KHDRBS2: variants seen among roughly 807,000 people sequenced by gnomAD.
KHDRBS2 encodes KH domain-containing, RNA-binding, signal transduction-associated protein 2.
In KHDRBS2, 26 loss-of-function variants were observed where a neutral mutation model predicts 44.3. The ratio of observed to expected loss-of-function variants is 0.59; its 90% CI spans 0.43 to 0.81. The LOEUF (loss-of-function observed/expected upper bound fraction) is 0.81. KHDRBS2 is among the 40% of genes least tolerant of loss of function. The pLI is 0.00. For missense variants in KHDRBS2, 476 were observed against 433.1 expected (o/e 1.10, Z -0.88); for synonymous variants, 194 against 151.1 (o/e 1.28, Z -2.08).
intron 2 of KHDRBS2, among the ~76,000 whole-genome samples, chr6:62,169,111 ATATG>A (rs1359026294): frequency 7.0e-6 from 1 of 142,448 alleles, no homozygotes; most frequent in African/African-American, 2.6e-5. Context: ...ATATACACAT[ATATG>A]TGTGTATATA....
intron 3 of KHDRBS2, among the ~76,000 whole-genome samples, chr6:62,011,571 A>G (rs1306156235): frequency 6.6e-6 from 1 of 152,170 alleles, no homozygotes; most frequent in Non-Finnish European, 1.5e-5. Flanking sequence ...CTCAAGATTT[A>G]TGTCAAATGC....
chr6:62,105,013 G>C (rs1802825863), intron 2 of KHDRBS2, among the ~76,000 whole-genome samples: 1 of 151,992 alleles, frequency 6.6e-6, no homozygotes, highest in Non-Finnish European at 1.5e-5. Flanking sequence ...CATAAACAAT[G>C]CTGTGTCTGT....
At chr6:62,240,474 C>T (rs1834415424) in intron 1 of KHDRBS2, among the ~76,000 whole-genome samples, 1 of 151,276 alleles carries the variant, frequency 6.6e-6, no homozygotes, top group African/African-American at 2.4e-5. Context: ...TGCTTGCAGG[C>T]TAGTTGAGCT....
intron 6 of KHDRBS2, among the ~76,000 whole-genome samples, chr6:61,803,037 A>G (rs961603751): frequency 6.6e-6 from 1 of 152,214 alleles, no homozygotes; most frequent in Non-Finnish European, 1.5e-5. Flanking sequence ...TGGCCTAAGC[A>G]TTTTGACAAC....
intron 4 of KHDRBS2, among the ~76,000 whole-genome samples, chr6:61,954,856 G>GTATATATATATATGTA (rs1562513973): frequency 2.5e-5 from 1 of 40,800 alleles, no homozygotes; most frequent in African/African-American, 9.8e-5. Context: ...ATATGCATGT[G>GTATATATATATATGTA]TATATACACA....
At chr6:62,111,920 C>T in intron 2 of KHDRBS2, among the ~76,000 whole-genome samples, 1 of 152,012 alleles carries the variant, frequency 6.6e-6, no homozygotes, top group Non-Finnish European at 1.5e-5. Context: ...TTGCTGGGCC[C>T]CAATCATGAA....
intron 2 of KHDRBS2, among the ~76,000 whole-genome samples, chr6:62,106,191 C>T (rs1391390330): frequency 1.3e-5 from 2 of 152,168 alleles, no homozygotes; most frequent in East Asian, 3.9e-4. Flanking sequence ...GAGAGCTTTA[C>T]TTGCAACTAT....
intron 3 of KHDRBS2, among the ~76,000 whole-genome samples, chr6:62,014,692 T>C (rs1330256214): frequency 6.6e-6 from 1 of 152,148 alleles, no homozygotes; most frequent in Non-Finnish European, 1.5e-5. Context: ...TTCTCTTAAA[T>C]AATATTCAAC....
At chr6:62,103,103 TACCATCCA>T (rs1424767747) in intron 2 of KHDRBS2, among the ~76,000 whole-genome samples, 2 of 151,966 alleles carry the variant, frequency 1.3e-5, no homozygotes, top group African/African-American at 4.8e-5. Flanking sequence ...CTGGAAAAAG[TACCATCCA>T]ACCAGCCAAA....
intron 6 of KHDRBS2, among the ~76,000 whole-genome samples, chr6:61,752,035 A>AGG (rs2127569060): frequency 1.3e-5 from 2 of 152,214 alleles, no homozygotes; most frequent in East Asian, 3.9e-4. Context: ...TTTTATATTA[A>AGG]TCATCTCTTT....
chr6:62,069,266 A>G (rs1326531936), intron 2 of KHDRBS2, among the ~76,000 whole-genome samples: 2 of 151,618 alleles, frequency 1.3e-5, no homozygotes, highest in Non-Finnish European at 3.0e-5. Context: ...GTATTCTTAT[A>G]AAAAATAAGC....
At position 62,202,698 on chromosome 6, in the gene KHDRBS2, T is replaced by C. The variant is rs370635134; in HGVS notation, c.92-25386A>G. 2.6e-5 allele frequency among the ~76,000 whole-genome samples: 4 copies of C among 152,178 alleles called. No individual in the cohort carries two copies. The East Asian group carries it at 5.8e-4, about 22-fold the overall frequency. ...AGACAAATATAAATCTATTAATACA[T>C]AACTCAATACAAAGTCATGATCATG... is the stretch of plus-strand genomic sequence containing the variant. On this transcript the variant is annotated intron_variant, in intron 1 of 8. Transcript: ENST00000281156.
chr6:62,073,715 G>T (rs989714960), intron 2 of KHDRBS2, among the ~76,000 whole-genome samples: 4 of 150,938 alleles, frequency 2.7e-5, no homozygotes, highest in African/African-American at 9.7e-5. Context: ...GCATTTCTTG[G>T]CTACTATTTC....
rs189946785 is a variant in KHDRBS2, at chr6:62,070,750, T to G, written c.220-22756A>C. Among the ~76,000 whole-genome samples, 229 of 152,300 alleles carry G rather than the reference T, an allele frequency of 1.5e-3. 2 individuals are homozygous for G. The highest frequency in any genetic ancestry group is 2.8e-3 in the Non-Finnish European group (191 of 68,030). On this transcript the variant is annotated intron_variant, in intron 2 of 8. Coordinates refer to ENST00000281156, the MANE Select transcript of KHDRBS2 (RefSeq NM_152688.4). The stretch of plus-strand genomic sequence containing the variant: ...AATCCAGTCTATCATTGTTGGACAT[T>G]TGGGTTGGTTCCAAGTCTTTGCTAT...
chr6:61,924,137 T>C (rs1307686905), intron 4 of KHDRBS2, among the ~76,000 whole-genome samples: 2 of 151,994 alleles, frequency 1.3e-5, no homozygotes, highest in Non-Finnish European at 2.9e-5. Flanking sequence ...TGAGAAAACC[T>C]TGCTGAGAAA....
At chr6:62,179,566 C>T (rs777940161) in intron 1 of KHDRBS2, among the ~76,000 whole-genome samples, 7 of 151,846 alleles carry the variant, frequency 4.6e-5, no homozygotes, top group Non-Finnish European at 7.4e-5. Flanking sequence ...TACATAATGT[C>T]ATACTTTGTA....
intron 2 of KHDRBS2, among the ~76,000 whole-genome samples, chr6:62,150,588 A>G (rs1814946808): frequency 6.6e-6 from 1 of 152,134 alleles, no homozygotes; most frequent in South Asian, 2.1e-4. Flanking sequence ...TTTCTTTCTA[A>G]ATGGTGTTCC....
In KHDRBS2 at chr6:62,285,968, C is replaced by A; in HGVS notation, c.-20G>T. 1 of 1,534,942 alleles carries A rather than the reference C, an allele frequency of 6.5e-7. No homozygotes were observed. The highest frequency in any genetic ancestry group is 9.0e-7 in the Non-Finnish European group (1 of 1,111,364). ...TTCCATAGCGCGGACTTCGGATTGT[C>A]CCCGGGCGAAGCGCGAGGTTCCGCT... On this transcript the variant is annotated 5_prime_UTR_variant, in exon 1 of 9. Coordinates refer to ENST00000281156, the MANE Select transcript of KHDRBS2 (RefSeq NM_152688.4).
Position 62,095,615 on chromosome 6 carries a change from C to A in KHDRBS2, c.220-47621G>T, listed in dbSNP as rs1299423833. On this transcript the variant is annotated intron_variant, in intron 2 of 8. Transcript: ENST00000281156. ...CCTAACAATGCACTTCTTAACTTATCCCCATCATTAAGGGACATATAACTG... is the reference window on the plus strand; with the variant it reads ...CCTAACAATGCACTTCTTAACTTATACCCATCATTAAGGGACATATAACTG... Among the ~76,000 whole-genome samples, 9 of 151,838 alleles carry A rather than the reference C, an allele frequency of 5.9e-5. No individual in the cohort carries two copies. In the East Asian group the frequency reaches 7.7e-4, roughly 13 times the overall value.
Sources: gnomAD v4.1 joint callset for allele counts (sites outside exome capture counted in the v4.1 genomes callset) on GRCh38, gnomAD v4.1.1 for gene constraint, MANE v1.5 for transcripts, NCBI Gene and HGNC (gene_info 2026-07-23, HGNC 2026-07-21) for gene names.